ANKRD36: variants seen among roughly 807,000 people sequenced by gnomAD.
The protein encoded by ANKRD36 is ankyrin repeat domain 36.
Under a neutral mutation model 278.1 loss-of-function variants are expected in ANKRD36, and 179 were observed. That is an observed-to-expected ratio of 0.64 (90% confidence interval 0.57 to 0.73). The LOEUF is 0.73. Ranked by LOEUF, ANKRD36 falls within the 30% of genes least tolerant of loss-of-function variation. ANKRD36 has a pLI of 0.00. For missense variants in ANKRD36, 1,159 were observed against 1,956.7 expected, an observed-to-expected ratio of 0.59 and a Z score of 7.69; for synonymous variants, 320 against 641.1, an observed-to-expected ratio of 0.50 and a Z score of 7.57.
At chr2:97,221,727 T>C (rs921365264) in intron 66 of ANKRD36, among the ~76,000 whole-genome samples, 4 of 150,608 alleles carry the variant, frequency 2.7e-5, no homozygotes, top group Admixed American at 2.6e-4. Flanking sequence ...ATGTTGTAGG[T>C]TGCCTGTTCA....
intron 67 of ANKRD36, among the ~76,000 whole-genome samples, chr2:97,227,961 C>A (rs1175190807): frequency 2.6e-5 from 4 of 152,132 alleles, no homozygotes; most frequent in Non-Finnish European, 5.9e-5. Context: ...TATATTGAAC[C>A]AGCCTTGCAT....
intron 67 of ANKRD36, among the ~76,000 whole-genome samples, chr2:97,231,865 A>G (rs1431279547): frequency 6.6e-6 from 1 of 152,106 alleles, no homozygotes; most frequent in Non-Finnish European, 1.5e-5. Flanking sequence ...TTAGTTAGTA[A>G]TATTAGGAAA....
At chr2:97,121,999 C>T (rs1481348135) in intron 3 of ANKRD36, among the ~76,000 whole-genome samples, 2 of 142,340 alleles carry the variant, frequency 1.4e-5, no homozygotes, top group Non-Finnish European at 3.1e-5. Flanking sequence ...AAAGTTCACT[C>T]GAAGCCTATC....
chr2:97,204,261 C>G lies in ANKRD36; in HGVS notation c.3059C>G (p.Thr1020Arg), dbSNP rs375602706. The G allele has an allele frequency of 8.7e-5, 136 of 1,562,316 alleles. No homozygotes were observed. The highest frequency in any genetic ancestry group is 7.9e-4 in the East Asian group (33 of 41,908). Residue 1020 changes from threonine (T) to arginine (R), a missense_variant and splice_region_variant, in exon 50 of 76, where the codon ACA becomes AGA. Thr to Arg is a moderately conservative substitution (Grantham distance 71). Coordinates refer to ENST00000420699, the MANE Select transcript of ANKRD36 (RefSeq NM_001354587.1). Reference sequence around the variant, plus strand: ...AAAAAGGATGGAGAAAAAACTAGGACAGGTAATTTTGAAAAGAGATTTAAT... The same window carrying G: ...AAAAAGGATGGAGAAAAAACTAGGAGAGGTAATTTTGAAAAGAGATTTAAT... ...RGKKDGEKTR[T>R]VSSQKPPTLK...
intron 58 of ANKRD36, 37 bp downstream of exon 58, chr2:97,211,778 A>G (rs1373396226): frequency 6.5e-7 from 1 of 1,540,040 alleles, no homozygotes; most frequent in Non-Finnish European, 8.8e-7. Context: ...ATGTTCGGTC[A>G]GGGTAGAAGA....
intron 28 of ANKRD36, among the ~76,000 whole-genome samples, chr2:97,184,134 G>C (rs1403612501): frequency 1.3e-5 from 2 of 151,686 alleles, no homozygotes; most frequent in Non-Finnish European, 2.9e-5. Flanking sequence ...AGGCAAGAAA[G>C]AGGGGAAGGA....
chr2:97,194,174 G>T (rs540806496), intron 38 of ANKRD36, among the ~76,000 whole-genome samples: 1 of 151,690 alleles, frequency 6.6e-6, no homozygotes, highest in South Asian at 2.1e-4. Context: ...TATCTACTAG[G>T]TATCAGCAAA....
chr2:97,260,741 A>G (rs1332745294), intron 75 of ANKRD36, among the ~76,000 whole-genome samples: 1 of 110,296 alleles, frequency 9.1e-6, no homozygotes, highest in Non-Finnish European at 1.7e-5. Flanking sequence ...TTCCAGTATA[A>G]TGCTGTTTTG....
chr2:97,198,072 C>G (rs185187273), intron 42 of ANKRD36, among the ~76,000 whole-genome samples: 1 of 151,850 alleles, frequency 6.6e-6, no homozygotes, highest in Non-Finnish European at 1.5e-5. Flanking sequence ...GGTGTAAATC[C>G]TTTTGATTTG....
intron 22 of ANKRD36, among the ~76,000 whole-genome samples, chr2:97,171,445 G>A (rs1466450494): frequency 1.8e-4 from 25 of 141,734 alleles, no homozygotes; most frequent in Non-Finnish European, 3.2e-4. Context: ...GTAAACTATC[G>A]CAAGAACAAA....
intron 1 of ANKRD36, among the ~76,000 whole-genome samples, chr2:97,114,910 A>C (rs1330531766): frequency 6.6e-6 from 1 of 152,128 alleles, no homozygotes; most frequent in East Asian, 1.9e-4. Context: ...GACGACATCA[A>C]GAAAACTTTT....
At chr2:97,229,193 A>G (rs1468052513) in intron 67 of ANKRD36, among the ~76,000 whole-genome samples, 2 of 151,542 alleles carry the variant, frequency 1.3e-5, no homozygotes, top group African/African-American at 4.8e-5. Flanking sequence ...GGGTCTCCTT[A>G]TTAACTTTCT....
At position 97,204,092 on chromosome 2, in the gene ANKRD36, T is replaced by C. The variant is rs1246315304; in HGVS notation, c.2984T>C (p.Leu995Ser). 8.3e-6 allele frequency: 13 copies of C among 1,575,372 alleles called. No homozygotes were observed. Among genetic ancestry groups the C allele is most frequent in the Non-Finnish European group, 1.1e-5 (13 of 1,162,958 alleles). Residue 995 changes from leucine (L) to serine (S), a missense_variant, in exon 49 of 76, where the codon TTG becomes TCG. By Grantham distance (145) the Leu-to-Ser change is moderately radical (BLOSUM62 -2). Coordinates refer to ENST00000420699, the MANE Select transcript of ANKRD36 (RefSeq NM_001354587.1). ...GTGTCTTCTGAGAAACCACCAGGCT[T>C]GAAGGTAATGAAACTGTCGTTTATA... ...RTVSSEKPPG[L>S]KATSDEKDSV... is the part of the protein sequence containing the mutation.
chr2:97,154,896 G>T (rs1444166701), intron 15 of ANKRD36, among the ~76,000 whole-genome samples, 155 bp downstream of exon 15: 1 of 143,988 alleles, frequency 6.9e-6, no homozygotes, highest in Non-Finnish European at 1.6e-5. Context: ...AAAGAAATAG[G>T]GGGGGTTAAT....
At position 97,185,414 on chromosome 2, in the gene ANKRD36, T is replaced by C. The variant is rs747807819; in HGVS notation, c.1969-24T>C. ...CCATGAAACATACTTTCTTTATTGA[T>C]AATTTGCTTCAAATTACTTTCAGGC... On this transcript the variant is annotated intron_variant, in intron 29 of 75. Coordinates refer to ENST00000420699, the MANE Select transcript of ANKRD36 (RefSeq NM_001354587.1). 9 of 1,608,390 alleles carry C rather than the reference T, an allele frequency of 5.6e-6. No individual in the cohort carries two copies. The African/African-American group carries it at 9.4e-5, about 17-fold the overall frequency.
intron 22 of ANKRD36, among the ~76,000 whole-genome samples, chr2:97,175,512 T>C (rs530538598): frequency 1.3e-5 from 2 of 152,102 alleles, no homozygotes; most frequent in South Asian, 4.2e-4. Flanking sequence ...GAATCTTCTC[T>C]CTTTTTTTCT....
At chr2:97,220,041 G>A (rs1464546776) in intron 66 of ANKRD36, among the ~76,000 whole-genome samples, 3 of 126,026 alleles carry the variant, frequency 2.4e-5, no homozygotes, top group African/African-American at 7.7e-5. Context: ...CGGATGTTCT[G>A]ATTAGCACAC....
chr2:97,224,165 CAG>C (rs1335228449), intron 66 of ANKRD36, among the ~76,000 whole-genome samples: 1 of 151,082 alleles, frequency 6.6e-6, no homozygotes, highest in East Asian at 2.0e-4. Flanking sequence ...AAGTAAAGAA[CAG>C]TGTGCTGTTA....
At chr2:97,202,273 G>A (rs376200954) in intron 47 of ANKRD36, 43 bp downstream of exon 47, 301 of 1,604,748 alleles carry the variant, frequency 1.9e-4, no homozygotes, top group Non-Finnish European at 2.4e-4. Flanking sequence ...TTAATGTATG[G>A]TCTATGAAAC....
Sources: allele counts gnomAD v4.1 joint callset (sites outside exome capture counted in the v4.1 genomes callset), GRCh38; gene constraint gnomAD v4.1.1; transcripts MANE v1.5; gene names NCBI Gene and HGNC (gene_info 2026-07-23, HGNC 2026-07-21).